Variants in BBS9 observed in about 807,000 individuals in gnomAD.
BBS9 encodes Bardet-Biedl syndrome 9.
Under a neutral mutation model 117.7 loss-of-function variants are expected in BBS9, and 89 were observed. The observed-to-expected ratio is 0.76, with a 90% CI of 0.64 to 0.90. BBS9 has a LOEUF of 0.90. BBS9 is among the 40% of genes least tolerant of loss of function. The pLI, the probability that BBS9 is intolerant of heterozygous loss-of-function variation, is 0.00. For missense variants in BBS9, 982 were observed against 1,042.2 expected (o/e 0.94, Z 0.80); for synonymous variants, 379 against 370.9 (o/e 1.02, Z -0.25).
At chr7:33,616,464 A>C (rs1278380526) in intron 21 of BBS9, among the ~76,000 whole-genome samples, 1 of 146,758 alleles carries the variant, frequency 6.8e-6, no homozygotes, top group Non-Finnish European at 1.5e-5. Context: ...TATGTTATAT[A>C]ACTTTATATA....
chr7:33,610,458 TC>T (rs753968523), downstream of BBS9, among the ~76,000 whole-genome samples: 1 of 152,034 alleles, frequency 6.6e-6, no homozygotes, highest in Non-Finnish European at 1.5e-5. Context: ...CCTTGCATTC[TC>T]CAGAGGCAGG....
chr7:33,402,807 T>A (rs1829131372), intron 19 of BBS9, among the ~76,000 whole-genome samples: 1 of 152,148 alleles, frequency 6.6e-6, no homozygotes, highest in Admixed American at 6.5e-5. Flanking sequence ...GTAGTGAGCA[T>A]AGTACCCGAG....
chr7:33,352,848 G>A lies in BBS9; in HGVS notation c.1538-11G>A. The A allele has an allele frequency of 1.2e-6, 2 of 1,612,616 alleles. No homozygotes were observed. The highest frequency in any genetic ancestry group is 1.7e-6 in the Non-Finnish European group (2 of 1,178,810). On this transcript the variant is annotated splice_polypyrimidine_tract_variant and intron_variant, in intron 14 of 22. Transcript: ENST00000242067. The stretch of plus-strand genomic sequence containing the variant: ...CCCCCTACCCATTTTTGCATTGCCT[G>A]TGATGGACAGATCGAAATCCTGATG...
intron 5 of BBS9, among the ~76,000 whole-genome samples, chr7:33,214,905 A>G (rs1788752768): frequency 6.6e-6 from 1 of 152,204 alleles, no homozygotes; most frequent in Admixed American, 6.5e-5. Flanking sequence ...TAAAAAGAAC[A>G]CAGCTGGGCC....
intron 21 of BBS9, among the ~76,000 whole-genome samples, chr7:33,568,205 A>G (rs192198601): frequency 6.6e-6 from 1 of 152,092 alleles, no homozygotes; most frequent in Non-Finnish European, 1.5e-5. Flanking sequence ...CCAGTGCATG[A>G]CATGGATTTT....
At chr7:33,235,389 T>G (rs1793286512) in intron 5 of BBS9, among the ~76,000 whole-genome samples, 1 of 152,116 alleles carries the variant, frequency 6.6e-6, no homozygotes. Context: ...ACTAGGGAAT[T>G]TATTACTACT....
chr7:33,225,273 C>CTG lies in BBS9; in HGVS notation c.443-31960_443-31959dup, dbSNP rs1206474348. On this transcript the variant is annotated intron_variant, in intron 5 of 22. Coordinates refer to ENST00000242067, the MANE Select transcript of BBS9 (RefSeq NM_198428.3). ...AATACCGTGGCATAATCACAGCTCA[C>CTG]TGTGGCCTTGACCTCCTGGGCTGAA... 2.5e-4 allele frequency among the ~76,000 whole-genome samples: 38 copies of CTG among 152,308 alleles called. 1 individual carries two copies. The highest frequency in any genetic ancestry group is 8.7e-4 in the African/African-American group (36 of 41,570).
chr7:33,551,751 A>G (rs1854455582), intron 21 of BBS9, among the ~76,000 whole-genome samples: 1 of 152,198 alleles, frequency 6.6e-6, no homozygotes, highest in Non-Finnish European at 1.5e-5. Context: ...GCAGTGCAGA[A>G]AAGTACATCA....
chr7:33,277,536 T>C (rs1458411105), intron 9 of BBS9, among the ~76,000 whole-genome samples: 1 of 152,216 alleles, frequency 6.6e-6, no homozygotes, highest in African/African-American at 2.4e-5. Context: ...AGAAAGAGTT[T>C]AATTGATGCA....
intron 21 of BBS9, among the ~76,000 whole-genome samples, chr7:33,581,221 A>T (rs539143066): frequency 6.6e-6 from 1 of 152,284 alleles, no homozygotes; most frequent in African/African-American, 2.4e-5. Flanking sequence ...ACTATAAAAT[A>T]GGACACTTGT....
intron 5 of BBS9, among the ~76,000 whole-genome samples, chr7:33,183,424 T>G (rs1176550177): frequency 6.6e-6 from 1 of 152,200 alleles, no homozygotes; most frequent in Non-Finnish European, 1.5e-5. Context: ...AACTTGGATA[T>G]CTGCTTTTAA....
chr7:33,308,642 C>G (rs552080793), intron 9 of BBS9, among the ~76,000 whole-genome samples: 1 of 152,164 alleles, frequency 6.6e-6, no homozygotes, highest in African/African-American at 2.4e-5. Context: ...TAATGATTCT[C>G]CATCTCAGTC....
intron 4 of BBS9, among the ~76,000 whole-genome samples, chr7:33,160,121 GAGAATA>G (rs1794632988): frequency 6.6e-6 from 1 of 152,136 alleles, no homozygotes; most frequent in Non-Finnish European, 1.5e-5. Flanking sequence ...ACTTTCATAA[GAGAATA>G]CAAAGTCTGT....
At chr7:33,405,168 A>C (rs570204074) in intron 19 of BBS9, among the ~76,000 whole-genome samples, 2 of 152,282 alleles carry the variant, frequency 1.3e-5, no homozygotes, top group Admixed American at 6.5e-5. Flanking sequence ...CGTATATTGA[A>C]CCAGCCTTGC....
intron 21 of BBS9, among the ~76,000 whole-genome samples, chr7:33,624,422 T>A (rs1260721124): frequency 6.6e-6 from 1 of 152,206 alleles, no homozygotes; most frequent in Non-Finnish European, 1.5e-5. Flanking sequence ...TGTTAACTTC[T>A]GAGCTAACAA....
chr7:33,605,159 TTC>T, intron 22 of BBS9, 34 bp from the exon 23 acceptor site: 1 of 1,589,502 alleles, frequency 6.3e-7, no homozygotes, highest in Non-Finnish European at 8.6e-7. Context: ...TTCAGATCTT[TTC>T]TCTCTCTTTC....
intron 4 of BBS9, among the ~76,000 whole-genome samples, chr7:33,173,264 A>G (rs1053013061): frequency 6.6e-6 from 1 of 152,108 alleles, no homozygotes; most frequent in Non-Finnish European, 1.5e-5. Context: ...TTTGCCTTTT[A>G]TAAAGAGTCT....
chr7:33,595,146 G>A (rs986914525), intron 21 of BBS9, among the ~76,000 whole-genome samples: 43 of 152,220 alleles, frequency 2.8e-4, no homozygotes, highest in African/African-American at 8.9e-4. Context: ...AAGACTTCAT[G>A]ACAAAACCGC....
chr7:33,554,290 A>C (rs1333285893), intron 21 of BBS9, among the ~76,000 whole-genome samples: 2 of 152,326 alleles, frequency 1.3e-5, no homozygotes, highest in East Asian at 3.9e-4. Flanking sequence ...TTTAAAAATT[A>C]CTGTGGCTGC....
Sources: gnomAD v4.1 joint callset for allele counts (sites outside exome capture counted in the v4.1 genomes callset) on GRCh38, gnomAD v4.1.1 for gene constraint, MANE v1.5 for transcripts, NCBI Gene and HGNC (gene_info 2026-07-23, HGNC 2026-07-21) for gene names.